Variants in ERCC6L2 observed in about 807,000 individuals in gnomAD.
ERCC6L2 encodes ERCC excision repair 6 like 2.
Under a neutral mutation model 132.0 loss-of-function variants are expected in ERCC6L2, and 77 were observed. The observed-to-expected ratio is 0.58, with a 90% confidence interval of 0.49 to 0.71. ERCC6L2 has a LOEUF of 0.71. Ranked by LOEUF, ERCC6L2 falls within the 30% of genes least tolerant of loss-of-function variation. ERCC6L2 has a pLI of 0.00. For synonymous variants in ERCC6L2, 583 were observed against 632.4 expected (o/e 0.92, Z 1.17); for missense variants, 1,542 against 1,837.6 (o/e 0.84, Z 2.94).
At chr9:95,899,668 C>G (rs993358294) in intron 3 of ERCC6L2, among the ~76,000 whole-genome samples, 14 of 150,762 alleles carry the variant, frequency 9.3e-5, no homozygotes, top group African/African-American at 2.9e-4. Flanking sequence ...ATATCACACA[C>G]ACACATATAC....
intron 6 of ERCC6L2, among the ~76,000 whole-genome samples, chr9:95,917,059 C>T (rs1829633844): frequency 6.6e-6 from 1 of 152,182 alleles, no homozygotes; most frequent in African/African-American, 2.4e-5. Flanking sequence ...TTTCTGTTCA[C>T]ACGTTGTCCT....
chr9:95,957,499 C>T (rs1216659967), intron 13 of ERCC6L2, among the ~76,000 whole-genome samples: 1 of 150,594 alleles, frequency 6.6e-6, no homozygotes, highest in African/African-American at 2.4e-5. Context: ...TGGGAAGTTA[C>T]TCATCTTAGG....
intron 13 of ERCC6L2, among the ~76,000 whole-genome samples, chr9:95,956,284 G>A (rs1831596697): frequency 6.6e-6 from 1 of 152,156 alleles, no homozygotes; most frequent in Non-Finnish European, 1.5e-5. Context: ...TTGTGATTTA[G>A]TAGGTCTGAG....
intron 17 of ERCC6L2, among the ~76,000 whole-genome samples, chr9:95,985,660 A>T (rs1252159615): frequency 6.6e-6 from 1 of 152,174 alleles, no homozygotes; most frequent in Non-Finnish European, 1.5e-5. Context: ...TTCCAGAGTC[A>T]CTTTGTATCT....
chr9:96,007,090 T>C (rs1833887343), intron 18 of ERCC6L2, among the ~76,000 whole-genome samples: 1 of 152,172 alleles, frequency 6.6e-6, no homozygotes, highest in African/African-American at 2.4e-5. Flanking sequence ...AAGTTAAACC[T>C]AAGCTGGACA....
chr9:96,018,591 G>C (rs1170573010), downstream of ERCC6L2, among the ~76,000 whole-genome samples: 2 of 150,988 alleles, frequency 1.3e-5, no homozygotes, highest in African/African-American at 2.4e-5. Flanking sequence ...CTCCCAAGTA[G>C]CTGGGACCAC....
At chr9:95,943,862 G>A (rs1354263272) in intron 12 of ERCC6L2, among the ~76,000 whole-genome samples, 1 of 152,174 alleles carries the variant, frequency 6.6e-6, no homozygotes, top group Non-Finnish European at 1.5e-5. Flanking sequence ...CAGAAAACAA[G>A]TCCTAGTTGA....
chr9:95,946,325 G>A (rs975133820), intron 12 of ERCC6L2, among the ~76,000 whole-genome samples: 36 of 152,058 alleles, frequency 2.4e-4, no homozygotes, highest in African/African-American at 8.2e-4. Flanking sequence ...TCAGGTGATC[G>A]AGACCATCCT....
At chr9:95,912,656 A>G (rs1829396045) in intron 4 of ERCC6L2, among the ~76,000 whole-genome samples, 1 of 152,214 alleles carries the variant, frequency 6.6e-6, no homozygotes, top group African/African-American at 2.4e-5. Flanking sequence ...CATCTTTAAT[A>G]TCTTATGTTT....
chr9:95,910,249 CTT>C (rs1829281524), intron 4 of ERCC6L2, among the ~76,000 whole-genome samples: 2 of 152,070 alleles, frequency 1.3e-5, no homozygotes, highest in Non-Finnish European at 2.9e-5. Context: ...TTTTGAAGCT[CTT>C]TTATGAGGTG....
At position 96,012,638 on chromosome 9, in the gene ERCC6L2, C is replaced by T; in HGVS notation, c.4088C>T (p.Ser1363Phe). 3 of 1,367,482 alleles carry T rather than the reference C, an allele frequency of 2.2e-6. No individual in the cohort carries two copies. The highest frequency in any genetic ancestry group is 2.9e-6 in the Non-Finnish European group (3 of 1,021,782). The allele number at this position is 1,367,482 out of a possible 1,614,324, so 84.7% of individuals were successfully genotyped here. A position where few individuals can be genotyped will look rare whatever the true frequency, so the allele number is the denominator to read the frequency against. ...DAETKKSPVS[S>F]TQEIDSGKNS... Reference sequence around the variant, plus strand: ...GAAACTAAGAAATCACCTGTTAGTTCTACTCAAGAGATTGACAGTGGGAAA... The same window carrying T: ...GAAACTAAGAAATCACCTGTTAGTTTTACTCAAGAGATTGACAGTGGGAAA... The change falls in exon 19 of 19, where the codon TCT becomes TTT. Residue 1363 changes from serine (S) to phenylalanine (F), a missense_variant. Transcript: ENST00000653738.
Position 96,016,772 on chromosome 9 carries a change from C to G in ERCC6L2, c.*3569C>G, listed in dbSNP as rs1834192328. ...CCTCTTTTTTGAAATGATGGTAGATCATACCTTTTGGTCTTTTTCATTGTC... is the reference window on the plus strand; with the variant it reads ...CCTCTTTTTTGAAATGATGGTAGATGATACCTTTTGGTCTTTTTCATTGTC... On this transcript the variant is annotated 3_prime_UTR_variant, in exon 19 of 19. Transcript: ENST00000653738. Among the ~76,000 whole-genome samples, 1 of 152,186 alleles carries G rather than the reference C, an allele frequency of 6.6e-6. No homozygotes were observed. The highest frequency in any genetic ancestry group is 2.1e-4 in the South Asian group (1 of 4,822).
intron 6 of ERCC6L2, among the ~76,000 whole-genome samples, chr9:95,916,745 C>T (rs1029609853): frequency 5.3e-5 from 8 of 149,890 alleles, no homozygotes; most frequent in African/African-American, 1.5e-4. Context: ...TGCAGTGGCG[C>T]GATCTTGGCT....
intron 3 of ERCC6L2, among the ~76,000 whole-genome samples, chr9:95,901,542 CTTG>C (rs901945859): frequency 1.1e-4 from 17 of 151,800 alleles, no homozygotes; most frequent in Non-Finnish European, 7.4e-5. Flanking sequence ...TTTTGTTTTG[CTTG>C]TTGTTGTTTT....
intron 2 of ERCC6L2, among the ~76,000 whole-genome samples, chr9:95,885,574 C>G (rs909395647): frequency 6.6e-6 from 1 of 152,122 alleles, no homozygotes; most frequent in Non-Finnish European, 1.5e-5. Context: ...AAATGAATCC[C>G]TTTTGTACAT....
In ERCC6L2 at chr9:95,955,844, T is replaced by A. The variant is rs187861618; in HGVS notation, c.1848-70T>A. The A allele has an allele frequency of 3.3e-5, 24 of 732,026 alleles. No individual in the cohort carries two copies. In the African/African-American group the frequency reaches 4.3e-4, roughly 13 times the overall value. The allele number at this position is 732,026 out of a possible 1,614,324, so 45.3% of individuals were successfully genotyped here. On this transcript the variant is annotated intron_variant, in intron 12 of 18. Coordinates refer to ENST00000653738, the MANE Select transcript of ERCC6L2 (RefSeq NM_020207.7). ...AATTTAATGATTTTCCATTTTTATG[T>A]CCCCAAGTTACCTCTTCAACCCAAA...
chr9:96,040,544 A>T (rs753515284), intron 20 of ERCC6L2, among the ~76,000 whole-genome samples: 26 of 152,038 alleles, frequency 1.7e-4, no homozygotes, highest in Admixed American at 5.9e-4. Context: ...AAATCCTGGG[A>T]TCTGTCCCTA....
intron 17 of ERCC6L2, among the ~76,000 whole-genome samples, chr9:95,993,467 G>A (rs1026059603): frequency 9.9e-5 from 15 of 152,186 alleles, no homozygotes; most frequent in African/African-American, 3.6e-4. Flanking sequence ...CAGCAGGTCA[G>A]CAGACCCCAG....
At chr9:95,934,040 G>A (rs1303691321) in intron 11 of ERCC6L2, among the ~76,000 whole-genome samples, 1 of 152,104 alleles carries the variant, frequency 6.6e-6, no homozygotes, top group Non-Finnish European at 1.5e-5. Flanking sequence ...CATTATCTAA[G>A]TGTGAGTTGT....
Sources: allele counts gnomAD v4.1 joint callset (sites outside exome capture counted in the v4.1 genomes callset), GRCh38; gene constraint gnomAD v4.1.1; transcripts MANE v1.5; gene names NCBI Gene and HGNC (gene_info 2026-07-23, HGNC 2026-07-21).